The following PPM1M variants were observed in gnomAD, a reference collection of about 807,000 sequenced individuals.
PPM1M encodes protein phosphatase, Mg2+/Mn2+ dependent 1M.
A neutral mutation model predicts 50.8 loss-of-function variants in PPM1M; 44 were observed. The observed-to-expected ratio is 0.87, with a 90% CI of 0.68 to 1.11. The LOEUF (loss-of-function observed/expected upper bound fraction) is 1.11. Ranked by LOEUF, PPM1M falls within the 50% of genes most tolerant of loss-of-function variation. The probability of loss-of-function intolerance (pLI) is 0.00; values close to 1 mark genes in which losing one functional copy is unlikely to be tolerated. For synonymous variants in PPM1M, 224 were observed against 242.9 expected, an observed-to-expected ratio of 0.92 and a Z score of 0.72; for missense variants, 556 against 593.4, an observed-to-expected ratio of 0.94 and a Z score of 0.66.
Position 52,248,673 on chromosome 3 carries a change from C to T in PPM1M, c.951C>T (p.Tyr317=). Residue 317 remains tyrosine, a synonymous_variant, in exon 7 of 10, where the codon TAC becomes TAT. Coordinates refer to ENST00000323588, the MANE Select transcript of PPM1M (RefSeq NM_144641.4). ...GTGTGGAGAAATCGGATCTCAAGTA[C>T]CCACTGATCCATGGACAGGGTAGGC... ...YKRVEKSDLK[Y]PLIHGQGRQA... is the part of the protein sequence containing the mutation. The T allele has an allele frequency of 6.2e-7, 1 of 1,613,842 alleles. No homozygotes were observed. The highest frequency in any genetic ancestry group is 8.5e-7 in the Non-Finnish European group (1 of 1,179,832).
rs1011843200 is a variant in PPM1M, at chr3:52,247,232, A to T, written c.597+4A>T. ...GGAGAGTGCCTTTCAGGAATGTGTGAGTGTGTGGCTTTTGGCTGGGGAAGA... is the reference window on the plus strand; with the variant it reads ...GGAGAGTGCCTTTCAGGAATGTGTGTGTGTGTGGCTTTTGGCTGGGGAAGA... On this transcript the variant is annotated splice_donor_region_variant and intron_variant, in intron 3 of 9. Transcript: ENST00000323588. The T allele has an allele frequency of 8.1e-6, 13 of 1,607,792 alleles. No homozygotes were observed. Among genetic ancestry groups the T allele is most frequent in the East Asian group, 4.5e-5 (2 of 44,736 alleles).
At chr3:52,246,122 GC>G in intron 1 of PPM1M, 74 bp downstream of exon 1, 1 of 1,037,400 alleles carries the variant, frequency 9.6e-7, no homozygotes, top group Non-Finnish European at 1.2e-6. Context: ...CGCCTAGAAA[GC>G]GGGAGGAGCT....
Position 52,248,434 on chromosome 3 carries a change from G to C in PPM1M, c.895G>C (p.Asp299His). Reference protein sequence around the residue: ...DDLGQKVLFRDHHMSGWSYKR... With the variant: ...DDLGQKVLFRHHHMSGWSYKR... The stretch of plus-strand genomic sequence containing the variant: ...CTTGGGACAGAAGGTTTTGTTCAGG[G>C]ATCACCACATGAGTGGCTGGTGAGT... The change falls in exon 6 of 10, where the codon GAT becomes CAT. Residue 299 changes from aspartate (D) to histidine (H), a missense_variant. Coordinates refer to ENST00000323588, the MANE Select transcript of PPM1M (RefSeq NM_144641.4). The C allele has an allele frequency of 1.2e-6, 2 of 1,613,652 alleles. No individual in the cohort carries two copies. Among genetic ancestry groups the C allele is most frequent in the Non-Finnish European group, 1.7e-6 (2 of 1,179,692 alleles).
Position 52,249,770 on chromosome 3 carries a change from G to T in PPM1M, c.1336G>T (p.Val446Leu). Residue 446 changes from valine to leucine, a missense_variant, in exon 10 of 10, where the codon GTG becomes TTG. Physicochemically the swap from Val to Leu is conservative, Grantham distance 32. Transcript: ENST00000323588. ...GTCCTACGATGACGTCTCTGTGTTCGTGATTCCCTTGCACAGTCAGGGCCA... is the reference window on the plus strand; with the variant it reads ...GTCCTACGATGACGTCTCTGTGTTCTTGATTCCCTTGCACAGTCAGGGCCA... ...QVSYDDVSVF[V>L]IPLHSQGQES... 6.2e-7 allele frequency: 1 copy of T among 1,613,808 alleles called. No individual in the cohort carries two copies. The highest frequency in any genetic ancestry group is 8.5e-7 in the Non-Finnish European group (1 of 1,179,826).
Position 52,248,661 on chromosome 3 carries a change from G to T in PPM1M, c.939G>T (p.Ser313=), listed in dbSNP as rs144497405. 51 of 1,613,744 alleles carry T rather than the reference G, an allele frequency of 3.2e-5. No homozygotes were observed. The highest frequency in any genetic ancestry group is 4.2e-5 in the Non-Finnish European group (49 of 1,179,852). Residue 313 remains serine (S), a synonymous_variant, in exon 7 of 10, where the codon TCG becomes TCT. Coordinates refer to ENST00000323588, the MANE Select transcript of PPM1M (RefSeq NM_144641.4). ...SGWSYKRVEK[S]DLKYPLIHGQ... The stretch of plus-strand genomic sequence containing the variant: ...GGAGCTACAAACGTGTGGAGAAATC[G>T]GATCTCAAGTACCCACTGATCCATG...
rs1288568392 is a variant in PPM1M at position 52,250,278 on chromosome 3, C to A, written c.*464C>A. The A allele has an allele frequency of 1.8e-5, 3 of 167,884 alleles. No individual in the cohort carries two copies. The highest frequency in any genetic ancestry group is 7.1e-5 in the African/African-American group (3 of 42,338). 10.4% of individuals were successfully genotyped at this position (167,884 alleles called of 1,614,324 possible). A position where few individuals can be genotyped will look rare whatever the true frequency, so the allele number is the denominator to read the frequency against. On this transcript the variant is annotated 3_prime_UTR_variant, in exon 10 of 10. Transcript: ENST00000323588. ...AGTCCACGCAGGTGGCTTGTAGAAA[C>A]CTTTGGGCAGCCTCATGTCTGCTAA...
In PPM1M at chr3:52,247,201, G is replaced by C. The variant is rs769389441; in HGVS notation, c.570G>C (p.Gly190=). ...KGIRAEDLVI[G]ALESAFQECD... ...TCAGGGCAGAAGACTTGGTGATCGG[G>C]GCATTGGAGAGTGCCTTTCAGGAAT... The change falls in exon 3 of 10, where the codon GGG becomes GGC. Residue 190 remains glycine (G), a synonymous_variant. Transcript: ENST00000323588. 3.7e-6 allele frequency: 6 copies of C among 1,613,288 alleles called. No individual in the cohort carries two copies. Among genetic ancestry groups the C allele is most frequent in the South Asian group, 1.1e-5 (1 of 90,826 alleles).
At position 52,247,168 on chromosome 3, in the gene PPM1M, A is replaced by G. The variant is rs1559446834; in HGVS notation, c.537A>G (p.Glu179=). The G allele has an allele frequency of 6.2e-7, 1 of 1,613,312 alleles. No homozygotes were observed. ...ICPSDPQFVE[E]KGIRAEDLVI... ...CCAGTGACCCTCAGTTTGTGGAGGA[A>G]AAGGGCATCAGGGCAGAAGACTTGG... Residue 179 remains glutamate, a synonymous_variant, in exon 3 of 10, where the codon GAA becomes GAG. Transcript: ENST00000323588.
At position 52,249,191 on chromosome 3, in the gene PPM1M, G is replaced by A; in HGVS notation, c.1104G>A (p.Val368=). The change falls in exon 9 of 10, where the codon GTG becomes GTA. Residue 368 remains valine (V), a synonymous_variant. Transcript: ENST00000323588. Reference sequence around the variant, plus strand: ...ATTTGTAGGTGACTGTGCTGGATGTGGACCAGCTGGAGCTACAGGAGGATG... The same window carrying A: ...ATTTGTAGGTGACTGTGCTGGATGTAGACCAGCTGGAGCTACAGGAGGATG... ...LSVPQVTVLD[V]DQLELQEDDV... is the part of the protein sequence containing the mutation. The A allele has an allele frequency of 6.2e-7, 1 of 1,613,834 alleles. No homozygotes were observed. Among genetic ancestry groups the A allele is most frequent in the East Asian group, 2.2e-5 (1 of 44,898 alleles).
chr3:52,249,852 C>A lies in PPM1M; in HGVS notation c.*38C>A. 1 of 1,586,416 alleles carries A rather than the reference C, an allele frequency of 6.3e-7. No individual in the cohort carries two copies. The highest frequency in any genetic ancestry group is 2.3e-5 in the East Asian group (1 of 44,152). The stretch of plus-strand genomic sequence containing the variant: ...TGTATCCCAGAACTGCTCTAGTGCC[C>A]GGGTGTGGTCTGGGCATCCCTCCAG... On this transcript the variant is annotated 3_prime_UTR_variant, in exon 10 of 10. Transcript: ENST00000323588.
chr3:52,247,491 T>C, intron 3 of PPM1M, 191 bp from the exon 4 acceptor site: 1 of 664,818 alleles, frequency 1.5e-6, no homozygotes. Context: ...CTGGTTTCTC[T>C]TCCTATTTTG....
In PPM1M at chr3:52,248,157, A is replaced by G. The variant is rs372981697; in HGVS notation, c.715A>G (p.Ile239Val). ...TCCCTTCTCTCCTCAATCCAGGGCCATCTTGGTGCGGAGAGATGAGATACG... is the reference window on the plus strand; with the variant it reads ...TCCCTTCTCTCCTCAATCCAGGGCCGTCTTGGTGCGGAGAGATGAGATACG... ...YMANAGDSRA[I>V]LVRRDEIRPL... Residue 239 changes from isoleucine (I) to valine (V), a missense_variant, in exon 5 of 10, where the codon ATC becomes GTC. By Grantham distance (29) the Ile-to-Val change is conservative. Transcript: ENST00000323588. 1.2e-6 allele frequency: 2 copies of G among 1,611,206 alleles called. No homozygotes were observed. Among genetic ancestry groups the G allele is most frequent in the East Asian group, 2.2e-5 (1 of 44,784 alleles).
At position 52,248,153 on chromosome 3, in the gene PPM1M, G is replaced by A. The variant is rs1468749459; in HGVS notation, c.711G>A (p.Arg237=). 2 of 1,610,396 alleles carry A rather than the reference G, an allele frequency of 1.2e-6. No individual in the cohort carries two copies. Among genetic ancestry groups the A allele is most frequent in the Non-Finnish European group, 1.7e-6 (2 of 1,178,432 alleles). The change falls in exon 5 of 10, where the codon AGG becomes AGA. Residue 237 remains arginine (R), a splice_region_variant and synonymous_variant. Coordinates refer to ENST00000323588, the MANE Select transcript of PPM1M (RefSeq NM_144641.4). Reference sequence around the variant, plus strand: ...CCTCTCCCTTCTCTCCTCAATCCAGGGCCATCTTGGTGCGGAGAGATGAGA... The same window carrying A: ...CCTCTCCCTTCTCTCCTCAATCCAGAGCCATCTTGGTGCGGAGAGATGAGA... ...KLYMANAGDS[R]AILVRRDEIR...
At chr3:52,247,300 G>A (rs1262975875) in intron 3 of PPM1M, 72 bp downstream of exon 3, 2 of 1,517,752 alleles carry the variant, frequency 1.3e-6, no homozygotes, top group Non-Finnish European at 1.8e-6. Flanking sequence ...TGGCATCTCT[G>A]TATACCCATG....
rs1699930347 is a variant in PPM1M at position 52,249,729 on chromosome 3, C to T, written c.1295C>T (p.Thr432Ile). Residue 432 changes from threonine (T) to isoleucine (I), a missense_variant, in exon 10 of 10, where the codon ACA (threonine) becomes ATA (isoleucine). Thr to Ile is a moderately conservative substitution (Grantham distance 89). Transcript: ENST00000323588. Reference protein sequence around the residue: ...HSTQGKEDSLTEEGQVSYDDV... With the variant: ...HSTQGKEDSLIEEGQVSYDDV... ...ACACAGGGAAAGGAAGACAGTCTCACAGAGGAAGGGCAGGTGTCCTACGAT... is the reference window on the plus strand; with the variant it reads ...ACACAGGGAAAGGAAGACAGTCTCATAGAGGAAGGGCAGGTGTCCTACGAT... 1 of 1,613,832 alleles carries T rather than the reference C, an allele frequency of 6.2e-7. No individual in the cohort carries two copies. The highest frequency in any genetic ancestry group is 8.5e-7 in the Non-Finnish European group (1 of 1,179,870).
chr3:52,246,240 C>A, intron 1 of PPM1M, 192 bp downstream of exon 1: 1 of 1,012,474 alleles, frequency 9.9e-7, no homozygotes, highest in Non-Finnish European at 1.2e-6. Context: ...GGATTCCGAC[C>A]TCCCCCTCAG....
At position 52,246,796 on chromosome 3, in the gene PPM1M, C is replaced by T. The variant is rs1288383596; in HGVS notation, c.326C>T (p.Thr109Ile). The change falls in exon 2 of 10, where the codon ACC (threonine) becomes ATC (isoleucine). Residue 109 changes from threonine to isoleucine, a missense_variant. Transcript: ENST00000323588. ...TTTGGGGCTGAAGAAGAGTGGCTGA[C>T]CCTGTGCCCAGAGGAGGTGAGTGCA... ...CEFGAEEEWL[T>I]LCPEEFLTGH... 5 of 1,391,158 alleles carry T rather than the reference C, an allele frequency of 3.6e-6. No homozygotes were observed. The highest frequency in any genetic ancestry group is 2.9e-5 in the African/African-American group (2 of 69,092). 86.2% of individuals were successfully genotyped at this position (1,391,158 alleles called of 1,614,324 possible).
Position 52,247,060 on chromosome 3 carries a change from C to T in PPM1M, c.429C>T (p.Cys143=), listed in dbSNP as rs956256704. The T allele has an allele frequency of 2.1e-5, 33 of 1,561,844 alleles. No individual in the cohort carries two copies. Among genetic ancestry groups the T allele is most frequent in the Non-Finnish European group, 2.5e-5 (29 of 1,152,830 alleles). Residue 143 remains cysteine (C), a synonymous_variant, in exon 3 of 10, where the codon TGC becomes TGT. Coordinates refer to ENST00000323588, the MANE Select transcript of PPM1M (RefSeq NM_144641.4). ...TGGCTGCCAACACCCTGCACTCCTG[C>T]TTGCGCCGGCAGCTGGAGGCCGTGG... is the stretch of plus-strand genomic sequence containing the variant. ...AILAANTLHS[C]LRRQLEAVVE...
In PPM1M at chr3:52,249,345, G is replaced by A. The variant is rs1416614497; in HGVS notation, c.1235+23G>A. ...CAGGTACTGTAGCTGCTGGGGACCT[G>A]CCTGGGCCTGGGTTGGTGCCAGCAG... On this transcript the variant is annotated intron_variant, in intron 9 of 9. Transcript: ENST00000323588. The A allele has an allele frequency of 3.2e-6, 5 of 1,574,200 alleles. No homozygotes were observed. The African/African-American group carries it at 6.8e-5, about 21-fold the overall frequency.
Sources: allele counts gnomAD v4.1 joint callset, GRCh38; gene constraint gnomAD v4.1.1; transcripts MANE v1.5; gene names NCBI Gene and HGNC (gene_info 2026-07-23, HGNC 2026-07-21).